Variants in ABCC4 observed in about 807,000 individuals in gnomAD.
The protein encoded by ABCC4 is ATP binding cassette subfamily C member 4 (PEL blood group).
A neutral mutation model predicts 168.5 loss-of-function variants in ABCC4; 102 were observed. That is an observed-to-expected ratio of 0.61 (90% CI 0.52 to 0.71). The LOEUF (loss-of-function observed/expected upper bound fraction) is 0.71. Among genes scored for constraint, ABCC4 ranks in the 30% least tolerant of loss-of-function variants. The pLI, the probability that ABCC4 is intolerant of heterozygous loss-of-function variation, is 0.00. For synonymous variants in ABCC4, 617 were observed against 590.7 expected (o/e 1.04, Z -0.65); for missense variants, 1,402 against 1,605.8 (o/e 0.87, Z 2.17).
At chr13:95,274,438 A>G (rs1463196126) in intron 1 of ABCC4, among the ~76,000 whole-genome samples, 1 of 152,156 alleles carries the variant, frequency 6.6e-6, no homozygotes, top group Non-Finnish European at 1.5e-5. Flanking sequence ...AGGAAGCAGT[A>G]TTTCTTCACC....
At chr13:95,203,757 G>A (rs1036213742) in intron 8 of ABCC4, among the ~76,000 whole-genome samples, 1 of 152,004 alleles carries the variant, frequency 6.6e-6, no homozygotes, top group Non-Finnish European at 1.5e-5. Flanking sequence ...CACACATAAC[G>A]AGGCAGAGAC....
chr13:95,206,312 C>A (rs1379815114), intron 8 of ABCC4, among the ~76,000 whole-genome samples: 1 of 152,226 alleles, frequency 6.6e-6, no homozygotes, highest in East Asian at 1.9e-4. Context: ...TGTGCCACTG[C>A]TGTTTATGTT....
chr13:95,068,916 G>C (rs995031913), intron 25 of ABCC4, among the ~76,000 whole-genome samples: 3 of 152,242 alleles, frequency 2.0e-5, no homozygotes, highest in Non-Finnish European at 4.4e-5. Flanking sequence ...AACAGAATCT[G>C]AGAAACCTTG....
intron 19 of ABCC4, among the ~76,000 whole-genome samples, chr13:95,121,960 G>A (rs1327186133): frequency 6.6e-6 from 1 of 152,164 alleles, no homozygotes; most frequent in Admixed American, 6.6e-5. Flanking sequence ...TGTTAGAGAT[G>A]TGAAGACAAA....
At chr13:95,224,795 A>G (rs558236367) in intron 4 of ABCC4, among the ~76,000 whole-genome samples, 2 of 152,250 alleles carry the variant, frequency 1.3e-5, no homozygotes, top group East Asian at 3.9e-4. Context: ...AAAAAAAATT[A>G]TATCAAATGG....
intron 19 of ABCC4, among the ~76,000 whole-genome samples, chr13:95,150,735 G>C (rs2036647427): frequency 1.3e-5 from 2 of 152,120 alleles, no homozygotes; most frequent in Non-Finnish European, 2.9e-5. Flanking sequence ...AGCGTGTACA[G>C]GTACTTGTAA....
intron 1 of ABCC4, among the ~76,000 whole-genome samples, chr13:95,300,223 C>A (rs2041639998): frequency 1.3e-5 from 2 of 152,124 alleles, no homozygotes; most frequent in African/African-American, 4.8e-5. Flanking sequence ...GTGGGCCCTC[C>A]CAGCTCAGGA....
intron 21 of ABCC4, among the ~76,000 whole-genome samples, chr13:95,080,954 T>C (rs2034073452): frequency 6.6e-6 from 1 of 152,048 alleles, no homozygotes; most frequent in African/African-American, 2.4e-5. Context: ...AAAACCACGA[T>C]CCACTGCTGC....
rs1193722086 is a variant in ABCC4, at chr13:95,021,663, T to A, written c.3890A>T (p.Tyr1297Phe). 6.2e-7 allele frequency: 1 copy of A among 1,609,046 alleles called. No homozygotes were observed. The highest frequency in any genetic ancestry group is 8.5e-7 in the Non-Finnish European group (1 of 1,176,488). Reference protein sequence around the residue: ...TAKQVYFKRNYPHIGHTDHMV... With the variant: ...TAKQVYFKRNFPHIGHTDHMV... ...GTGGTCAGTGTGACCAATATGTGGA[T>A]AATTTCTTTTGAAGTATACCTAGAA... Residue 1297 changes from tyrosine (Y) to phenylalanine (F), a missense_variant, in exon 31 of 31, where the codon TAT becomes TTT. Physicochemically the swap from Tyr to Phe is conservative, Grantham distance 22 (BLOSUM62 3). Around this residue, in one of 3 missense-constraint regions of ABCC4, gnomAD observed 1,007 missense variants for 1,127.3 expected, o/e 0.89. Transcript: ENST00000645237.
intron 4 of ABCC4, among the ~76,000 whole-genome samples, chr13:95,223,037 T>A (rs1431790897): frequency 6.6e-6 from 1 of 152,094 alleles, no homozygotes. Context: ...AAACAAGCAC[T>A]ACCTAACAGG....
At chr13:95,188,214 C>A (rs1001523314) in intron 10 of ABCC4, among the ~76,000 whole-genome samples, 3 of 152,148 alleles carry the variant, frequency 2.0e-5, no homozygotes, top group Non-Finnish European at 4.4e-5. Context: ...ATGGAGATGT[C>A]CAACTTCTAG....
At chr13:95,175,009 G>A (rs1267774113) in intron 13 of ABCC4, among the ~76,000 whole-genome samples, 1 of 152,124 alleles carries the variant, frequency 6.6e-6, no homozygotes, top group African/African-American at 2.4e-5. Flanking sequence ...ACACACCATT[G>A]TGCAACCATC....
intron 19 of ABCC4, among the ~76,000 whole-genome samples, chr13:95,157,111 CACACACACACACACACACAA>C (rs545034960): frequency 0.015 from 2,202 of 148,662 alleles, 58 homozygotes; most frequent in African/African-American, 0.053. Flanking sequence ...CACACACACA[CACACACACACACACACACAA>C]ACAGTCACCA....
At position 95,209,463 on chromosome 13, in the gene ABCC4, G is replaced by A; in HGVS notation, c.756C>T (p.Ser252=). ...GTGATGAGAACAACTTCCCAAAACA[G>A]CTTTGCAAGGGCAGGAGAATGATTA... ...AVLIILLPLQ[S]CFGKLFSSLR... is the part of the protein sequence containing the mutation. Residue 252 remains serine (S), a synonymous_variant, in exon 6 of 31, where the codon AGC becomes AGT. Coordinates refer to ENST00000645237, the MANE Select transcript of ABCC4 (RefSeq NM_005845.5). The A allele has an allele frequency of 6.2e-7, 1 of 1,614,166 alleles. No homozygotes were observed. The highest frequency in any genetic ancestry group is 8.5e-7 in the Non-Finnish European group (1 of 1,180,010).
intron 22 of ABCC4, chr13:95,075,060 A>C (rs1295324979): frequency 1.6e-5 from 3 of 190,686 alleles, no homozygotes; most frequent in Non-Finnish European, 1.1e-5. Context: ...CAATGTATTG[A>C]CATCTGCTTT....
chr13:95,299,353 C>A (rs1055072840), intron 1 of ABCC4, among the ~76,000 whole-genome samples: 2 of 151,758 alleles, frequency 1.3e-5, no homozygotes, highest in East Asian at 3.9e-4. Flanking sequence ...AGAAACCACA[C>A]CCATATTCCT....
intron 4 of ABCC4, among the ~76,000 whole-genome samples, chr13:95,220,837 G>C (rs1365852796): frequency 6.6e-6 from 1 of 152,184 alleles, no homozygotes; most frequent in Admixed American, 6.5e-5. Context: ...ATGGGTCCCA[G>C]AGGGAGTAGA....
At chr13:95,089,526 G>A (rs1256991415) in intron 20 of ABCC4, among the ~76,000 whole-genome samples, 2 of 152,160 alleles carry the variant, frequency 1.3e-5, no homozygotes, top group Non-Finnish European at 2.9e-5. Context: ...GCTGAGGCAG[G>A]AGAAACACTT....
At chr13:95,155,294 T>C (rs530435992) in intron 19 of ABCC4, among the ~76,000 whole-genome samples, 3 of 152,004 alleles carry the variant, frequency 2.0e-5, no homozygotes, top group Admixed American at 1.3e-4. Flanking sequence ...ACTCAAGTAA[T>C]CCTCCTGACT....
Sources: gnomAD v4.1 joint callset for allele counts (sites outside exome capture counted in the v4.1 genomes callset) on GRCh38, gnomAD v4.1.1 for gene constraint, gnomAD v4.1.1 regional missense constraint, MANE v1.5 for transcripts, NCBI Gene and HGNC (gene_info 2026-07-23, HGNC 2026-07-21) for gene names.